The following VRTN variants were observed in gnomAD, a reference collection of about 807,000 sequenced individuals.
VRTN encodes vertnin.
A neutral mutation model predicts 18.2 loss-of-function variants in VRTN; 5 were observed. That is an observed-to-expected ratio of 0.27 (90% confidence interval 0.14 to 0.58). VRTN has a LOEUF of 0.58. Ranked by LOEUF, VRTN falls within the 20% of genes least tolerant of loss-of-function variation. VRTN has a pLI of 0.91. For synonymous variants in VRTN, 381 were observed against 393.7 expected (o/e 0.97, Z 0.38); for missense variants, 741 against 939.4 (o/e 0.79, Z 2.76).
chr14:74,357,956 A>G lies in VRTN; in HGVS notation c.1173A>G (p.Ala391=), dbSNP rs535407150. 19 of 1,614,178 alleles carry G rather than the reference A, an allele frequency of 1.2e-5. No homozygotes were observed. In the South Asian group the frequency reaches 1.6e-4, roughly 14 times the overall value. ...QVAEEELECS[A]LAVSSPGMVL... ...CTGAGGAGGAGCTGGAGTGCTCCGC[A>G]CTGGCGGTGTCAAGCCCTGGAATGG... The change falls in exon 2 of 2, where the codon GCA becomes GCG. Residue 391 remains alanine, a synonymous_variant. Transcript: ENST00000256362. The surrounding 1 kb of genome is among the most constrained non-coding windows in gnomAD (Gnocchi z 7.8).
intron 1 of VRTN, among the ~76,000 whole-genome samples, chr14:74,307,136 C>CAT (rs2085357649): frequency 8.2e-6 from 1 of 121,464 alleles, no homozygotes; most frequent in Admixed American, 8.9e-5. Flanking sequence ...CTGTTGTGGC[C>CAT]CTTTTTTTTT....
At chr14:74,355,913 C>T (rs936916971) in intron 1 of VRTN, among the ~76,000 whole-genome samples, 1 of 151,812 alleles carries the variant, frequency 6.6e-6, no homozygotes, top group Non-Finnish European at 1.5e-5. Flanking sequence ...CTCACTGCAG[C>T]CTCGGATTCC....
At chr14:74,318,806 C>T (rs577574882) in intron 1 of VRTN, among the ~76,000 whole-genome samples, 5 of 151,380 alleles carry the variant, frequency 3.3e-5, no homozygotes, top group African/African-American at 1.2e-4. Context: ...TTCCACCTCC[C>T]AGGTTCAAGC....
intron 1 of VRTN, among the ~76,000 whole-genome samples, chr14:74,316,426 T>A (rs1400565227): frequency 6.6e-6 from 1 of 151,232 alleles, no homozygotes; most frequent in Non-Finnish European, 1.5e-5. Context: ...GGCAGGAGAA[T>A]CACTTGAACC....
At chr14:74,356,730 A>C in intron 1 of VRTN, 53 bp from the exon 2 acceptor site, 2 of 1,519,106 alleles carry the variant, frequency 1.3e-6, no homozygotes, top group Admixed American at 2.2e-5. Flanking sequence ...TTTGCTAGTC[A>C]TCATCTGGGC....
At position 74,335,551 on chromosome 14, in the gene VRTN, G is replaced by A. The variant is rs1232502913; in HGVS notation, c.-163-2172G>A. ...TTTCTTTCATTTAATCCTTATCACA[G>A]GCCTGTAATGAACCTATATTATTAT... On this transcript the variant is annotated intron_variant, in intron 1 of 2. Coordinates refer to the VRTN transcript ENST00000557177. 2.6e-5 allele frequency among the ~76,000 whole-genome samples: 4 copies of A among 151,924 alleles called. No homozygotes were observed. The East Asian group carries it at 7.7e-4, about 29-fold the overall frequency.
Position 74,356,815 on chromosome 14 carries a change from TGCTGCAGGA to T in VRTN, c.42_50del (p.Leu15_Glu17del). On this transcript the variant is annotated inframe_deletion, in exon 2 of 2. Coordinates refer to ENST00000256362, the MANE Select transcript of VRTN (RefSeq NM_018228.3). ...TCTCGGAACCAGCTGGTGCAGAAGG[TGCTGCAGGA>T]GCTGCAGGAAGCAGTGGAGTGCGAA... The T allele has an allele frequency of 6.2e-7, 1 of 1,607,732 alleles. No homozygotes were observed. Among genetic ancestry groups the T allele is most frequent in the Non-Finnish European group, 8.5e-7 (1 of 1,176,576 alleles).
intron 1 of VRTN, among the ~76,000 whole-genome samples, chr14:74,310,833 C>T (rs912922441): frequency 4.0e-5 from 6 of 151,032 alleles, no homozygotes; most frequent in African/African-American, 1.2e-4. Context: ...CCACTGCACC[C>T]GGTGAGGTTT....
At chr14:74,352,683 G>A (rs764798561) in intron 1 of VRTN, among the ~76,000 whole-genome samples, 15 of 152,136 alleles carry the variant, frequency 9.9e-5, no homozygotes, top group Admixed American at 2.6e-4. Flanking sequence ...AAAGTGCTGG[G>A]ATTATAGGCG....
At chr14:74,312,486 T>C (rs1266883608) in intron 1 of VRTN, among the ~76,000 whole-genome samples, 3 of 152,172 alleles carry the variant, frequency 2.0e-5, no homozygotes, top group African/African-American at 4.8e-5. Context: ...AGTCTCACTC[T>C]GTAGTCCAGG....
intron 1 of VRTN, among the ~76,000 whole-genome samples, chr14:74,318,344 C>T (rs543165627): frequency 1.3e-5 from 2 of 151,574 alleles, no homozygotes; most frequent in Non-Finnish European, 2.9e-5. Flanking sequence ...GATCTCGGCT[C>T]ACCGCAACCT....
chr14:74,332,335 G>GTTT lies in VRTN; in HGVS notation c.-163-5349_-163-5347dup, dbSNP rs67857502. Among the ~76,000 whole-genome samples, 51 of 39,588 alleles carry GTTT rather than the reference G, an allele frequency of 1.3e-3. 4 individuals are homozygous for GTTT. Among genetic ancestry groups the GTTT allele is most frequent in the Admixed American group, 1.7e-3 (4 of 2,330 alleles). The allele number at this position is 39,588 out of a possible 152,430, so 26.0% of individuals were successfully genotyped here. A position where few individuals can be genotyped will look rare whatever the true frequency, so the allele number is the denominator to read the frequency against. On this transcript the variant is annotated intron_variant, in intron 1 of 2. Transcript: ENST00000557177. Reference sequence around the variant, plus strand: ...CCTCCGGAGGATCGACTCCTAATCTGTTTTTTTTTTTTTTTTTTTTTTTTT... The same window carrying GTTT: ...CCTCCGGAGGATCGACTCCTAATCTGTTTTTTTTTTTTTTTTTTTTTTTTTTTT...
chr14:74,342,580 A>G (rs1720367154), intron 2 of VRTN, among the ~76,000 whole-genome samples: 1 of 152,158 alleles, frequency 6.6e-6, no homozygotes, highest in Non-Finnish European at 1.5e-5. Context: ...AATAAGAAAA[A>G]GGGCTATAAT....
chr14:74,306,173 T>TATATATATATA (rs1491480014), intron 1 of VRTN: 4 of 48,034 alleles, frequency 8.3e-5, no homozygotes, highest in African/African-American at 4.0e-4. Flanking sequence ...TATATATATA[T>TATATATATATA]TTTTTTTTTT....
intron 1 of VRTN, among the ~76,000 whole-genome samples, chr14:74,325,890 C>T (rs772407004): frequency 2.0e-5 from 3 of 152,328 alleles, no homozygotes; most frequent in Non-Finnish European, 4.4e-5. Context: ...CTTTCTGCCT[C>T]GTTTTCCTAT....
chr14:74,316,900 G>A (rs916966994), intron 1 of VRTN, among the ~76,000 whole-genome samples: 1 of 151,998 alleles, frequency 6.6e-6, no homozygotes, highest in Non-Finnish European at 1.5e-5. Context: ...GCCTCCCAAA[G>A]TGCTGGGATT....
chr14:74,333,770 G>A (rs1472359162), intron 1 of VRTN, among the ~76,000 whole-genome samples: 1 of 150,164 alleles, frequency 6.7e-6, no homozygotes, highest in Admixed American at 6.7e-5. Context: ...AACCCGGGAG[G>A]TGGAGGTTGC....
chr14:74,339,545 C>T (rs373736267), intron 2 of VRTN, among the ~76,000 whole-genome samples: 21 of 152,204 alleles, frequency 1.4e-4, no homozygotes, highest in African/African-American at 5.1e-4. Flanking sequence ...GGCATGGTGG[C>T]TCATGTCTGT....
chr14:74,324,580 A>G (rs1488891825), intron 1 of VRTN, among the ~76,000 whole-genome samples: 2 of 151,870 alleles, frequency 1.3e-5, no homozygotes, highest in East Asian at 3.9e-4. Context: ...GAGAGGGTTA[A>G]TGGGGGACAT....
Sources: allele counts gnomAD v4.1 joint callset (sites outside exome capture counted in the v4.1 genomes callset), GRCh38; gene constraint gnomAD v4.1.1; non-coding constraint Gnocchi (gnomAD v3.1); transcripts MANE v1.5; gene names NCBI Gene and HGNC (gene_info 2026-07-23, HGNC 2026-07-21).